Variants in CMTM8 observed in about 807,000 individuals in gnomAD.
CMTM8 encodes CKLF-like MARVEL transmembrane domain-containing protein 8.
CMTM8 carries 12 observed loss-of-function variants against 18.6 expected under a neutral mutation model. The ratio of observed to expected loss-of-function variants is 0.65; its 90% CI spans 0.41 to 1.05. The LOEUF (loss-of-function observed/expected upper bound fraction) is 1.05, where lower values mean the gene tolerates loss of function less well. Among genes scored for constraint, CMTM8 ranks in the 50% least tolerant of loss-of-function variants. CMTM8 has a pLI of 0.00. For synonymous variants in CMTM8, 87 were observed against 90.6 expected (o/e 0.96, Z 0.23); for missense variants, 217 against 227.2 (o/e 0.95, Z 0.29).
chr3:32,368,233 A>G (rs1429591496), intron 3 of CMTM8, among the ~76,000 whole-genome samples: 1 of 152,212 alleles, frequency 6.6e-6, no homozygotes. Context: ...ATAAGTATTC[A>G]AGGGAGAAAA....
rs764031855 is a variant in CMTM8, at chr3:32,367,857, CCT to C, written c.322-14_322-13del. The C allele has an allele frequency of 4.7e-5, 75 of 1,585,092 alleles. 1 individual carries two copies. In the Middle Eastern group the frequency reaches 1.1e-3, roughly 23 times the overall value. ...CTCCCCTCTCCCTAAACACTCTGCCCCTGTGTCCCCCCAGGGCCTGTGCTTTA... is the reference window on the plus strand; with the variant it reads ...CTCCCCTCTCCCTAAACACTCTGCCCGTGTCCCCCCAGGGCCTGTGCTTTA... On this transcript the variant is annotated splice_polypyrimidine_tract_variant and intron_variant, in intron 2 of 3. Transcript: ENST00000307526.
intron 1 of CMTM8, among the ~76,000 whole-genome samples, chr3:32,348,897 T>G (rs932299462): frequency 1.3e-5 from 2 of 152,144 alleles, no homozygotes; most frequent in Non-Finnish European, 2.9e-5. Flanking sequence ...GTTTTTATCT[T>G]TTCTAGGTTT....
chr3:32,259,405 T>C, intron 1 of CMTM8: 1 of 866,502 alleles, frequency 1.2e-6, no homozygotes, highest in Non-Finnish European at 2.0e-6. Context: ...AGATTGACAA[T>C]GCCTGTCTTG....
intron 1 of CMTM8, among the ~76,000 whole-genome samples, chr3:32,350,032 C>A (rs1696674838): frequency 6.6e-6 from 1 of 151,894 alleles, no homozygotes; most frequent in African/African-American, 2.4e-5. Flanking sequence ...CTTATTGGCA[C>A]AAAATGTCAA....
At chr3:32,253,794 C>G (rs967792286) in intron 1 of CMTM8, among the ~76,000 whole-genome samples, 2 of 152,212 alleles carry the variant, frequency 1.3e-5, no homozygotes, top group Non-Finnish European at 2.9e-5. Context: ...TACACTTCAG[C>G]TTTGAACTAA....
chr3:32,349,963 G>A (rs757328728), intron 1 of CMTM8, among the ~76,000 whole-genome samples: 1 of 152,014 alleles, frequency 6.6e-6, no homozygotes, highest in Non-Finnish European at 1.5e-5. Context: ...AGCCAAGATC[G>A]CAGCACTGTA....
At chr3:32,324,712 C>A (rs199947890) in intron 1 of CMTM8, among the ~76,000 whole-genome samples, 1 of 152,164 alleles carries the variant, frequency 6.6e-6, no homozygotes. Context: ...TACCTACCAA[C>A]CCCCTGCATC....
At chr3:32,331,421 A>G (rs1481661044) in intron 1 of CMTM8, among the ~76,000 whole-genome samples, 2 of 152,162 alleles carry the variant, frequency 1.3e-5, no homozygotes, top group Non-Finnish European at 2.9e-5. Context: ...TCCTCAAAAA[A>G]TTAAAAATAA....
In CMTM8 at chr3:32,370,234, A is replaced by T. The variant is rs1335786135; in HGVS notation, c.*267A>T. 1 of 181,704 alleles carries T rather than the reference A, an allele frequency of 5.5e-6. No individual in the cohort carries two copies. Among genetic ancestry groups the T allele is most frequent in the Non-Finnish European group, 1.1e-5 (1 of 87,280 alleles). The allele number at this position is 181,704 out of a possible 1,614,324, so 11.3% of individuals were successfully genotyped here. On this transcript the variant is annotated 3_prime_UTR_variant, in exon 4 of 4. Coordinates refer to ENST00000307526, the MANE Select transcript of CMTM8 (RefSeq NM_178868.5). Reference sequence around the variant, plus strand: ...TTCTTAGACAATGTTTAAATAGATAAATTGCTAATATTGAGAATGTGTCAA... The same window carrying T: ...TTCTTAGACAATGTTTAAATAGATATATTGCTAATATTGAGAATGTGTCAA...
chr3:32,272,539 A>G (rs1702454366), intron 1 of CMTM8, among the ~76,000 whole-genome samples: 1 of 152,064 alleles, frequency 6.6e-6, no homozygotes, highest in Admixed American at 6.6e-5. Context: ...AGTTATTTAT[A>G]TAACTTCAAT....
Position 32,245,501 on chromosome 3 carries a change from G to C in CMTM8, c.147+6382G>C, listed in dbSNP as rs138848342. Among the ~76,000 whole-genome samples, 322 of 152,324 alleles carry C rather than the reference G, an allele frequency of 2.1e-3. 1 individual carries two copies. The highest frequency in any genetic ancestry group is 7.3e-3 in the African/African-American group (304 of 41,566). On this transcript the variant is annotated intron_variant, in intron 1 of 3. Transcript: ENST00000307526. Reference sequence around the variant, plus strand: ...TGACCTGTGAATTGTAGGATGCTGTGATCTCATAACTATTACAAGTACTTG... The same window carrying C: ...TGACCTGTGAATTGTAGGATGCTGTCATCTCATAACTATTACAAGTACTTG...
intron 1 of CMTM8, among the ~76,000 whole-genome samples, chr3:32,281,701 C>G (rs1702613046): frequency 6.6e-6 from 1 of 152,092 alleles, no homozygotes. Context: ...TCAGCCTTGT[C>G]ACTAGTCTAC....
intron 1 of CMTM8, among the ~76,000 whole-genome samples, chr3:32,316,846 G>T (rs1695942596): frequency 6.6e-6 from 1 of 152,186 alleles, no homozygotes; most frequent in South Asian, 2.1e-4. Flanking sequence ...CTGACTGTTC[G>T]TAAGTCCAGA....
At chr3:32,240,043 A>G (rs1242425324) in intron 1 of CMTM8, among the ~76,000 whole-genome samples, 1 of 152,246 alleles carries the variant, frequency 6.6e-6, no homozygotes, top group Non-Finnish European at 1.5e-5. Context: ...CAGCTGCCCC[A>G]GCAGTGCCCC....
intron 1 of CMTM8, among the ~76,000 whole-genome samples, chr3:32,335,371 A>G (rs1399227468): frequency 1.3e-5 from 2 of 152,200 alleles, no homozygotes. Flanking sequence ...TGTTGGAGTC[A>G]GGCGCACTAG....
At chr3:32,275,927 G>A (rs1294304234) in intron 1 of CMTM8, among the ~76,000 whole-genome samples, 1 of 152,096 alleles carries the variant, frequency 6.6e-6, no homozygotes, top group Non-Finnish European at 1.5e-5. Flanking sequence ...GGGATCACAG[G>A]TGTGAGTTAC....
chr3:32,364,004 A>G (rs890487619), intron 2 of CMTM8, among the ~76,000 whole-genome samples: 1 of 152,168 alleles, frequency 6.6e-6, no homozygotes, highest in Non-Finnish European at 1.5e-5. Context: ...TCTTCCACCA[A>G]TGTGTGGTAA....
chr3:32,271,826 C>T (rs1200592581), intron 1 of CMTM8, among the ~76,000 whole-genome samples: 2 of 152,122 alleles, frequency 1.3e-5, no homozygotes, highest in African/African-American at 4.8e-5. Flanking sequence ...TTATCCTGCT[C>T]CTAAACAAAT....
chr3:32,322,192 A>G (rs1193260948), intron 1 of CMTM8, among the ~76,000 whole-genome samples: 1 of 152,232 alleles, frequency 6.6e-6, no homozygotes, highest in Non-Finnish European at 1.5e-5. Context: ...TAGGGGTTCA[A>G]GAACCCAACT....
Sources: gnomAD v4.1 joint callset for allele counts (sites outside exome capture counted in the v4.1 genomes callset) on GRCh38, gnomAD v4.1.1 for gene constraint, MANE v1.5 for transcripts, NCBI Gene and HGNC (gene_info 2026-07-23, HGNC 2026-07-21) for gene names.